SEM1: variants seen among roughly 807,000 people sequenced by gnomAD.
The protein encoded by SEM1 is 26S proteasome complex subunit SEM1.
In SEM1, 3 loss-of-function variants were observed where a neutral mutation model predicts 12.7. That is an observed-to-expected ratio of 0.24 (90% CI 0.11 to 0.61). The LOEUF is 0.61. SEM1 is among the 20% of genes least tolerant of loss of function. The pLI is 0.88. For synonymous variants in SEM1, 30 were observed against 27.8 expected (o/e 1.08, Z -0.25); for missense variants, 59 against 81.3 (o/e 0.73, Z 1.06).
chr7:96,630,684 T>A (rs1033719078), intron 2 of SEM1, among the ~76,000 whole-genome samples: 1 of 152,194 alleles, frequency 6.6e-6, no homozygotes. Context: ...TTCCATCCTC[T>A]GTTCTTCACG....
chr7:96,511,392 G>T (rs1212020972), intron 2 of SEM1, among the ~76,000 whole-genome samples: 1 of 152,108 alleles, frequency 6.6e-6, no homozygotes, highest in African/African-American at 2.4e-5. Context: ...TTCCAAGAGA[G>T]AGATTCTTTT....
At chr7:96,550,636 A>C (rs952315887) in intron 2 of SEM1, among the ~76,000 whole-genome samples, 1 of 152,184 alleles carries the variant, frequency 6.6e-6, no homozygotes, top group African/African-American at 2.4e-5. Flanking sequence ...TTTACAAATT[A>C]TTTGCTTTTA....
chr7:96,538,697 A>G (rs1323687469), intron 2 of SEM1, among the ~76,000 whole-genome samples: 1 of 151,764 alleles, frequency 6.6e-6, no homozygotes, highest in Non-Finnish European at 1.5e-5. Flanking sequence ...TTGTTTAGGC[A>G]TGTGTCTCTG....
chr7:96,593,483 G>T (rs1352075429), intron 2 of SEM1, among the ~76,000 whole-genome samples: 1 of 151,964 alleles, frequency 6.6e-6, no homozygotes, highest in Non-Finnish European at 1.5e-5. Context: ...TGGTATGTTG[G>T]CCTGTTCCCC....
chr7:96,553,190 T>A (rs1409328294), intron 2 of SEM1, among the ~76,000 whole-genome samples: 2 of 150,222 alleles, frequency 1.3e-5, no homozygotes, highest in East Asian at 3.9e-4. Context: ...CAGAAGCTCT[T>A]TAGTTTAATT....
intron 2 of SEM1, among the ~76,000 whole-genome samples, chr7:96,579,344 G>C (rs778831001): frequency 1.3e-5 from 2 of 152,182 alleles, no homozygotes; most frequent in Admixed American, 1.3e-4. Flanking sequence ...CTGTAAGCTT[G>C]TTTATGGCTT....
chr7:96,522,139 A>G (rs561638122), intron 2 of SEM1, among the ~76,000 whole-genome samples: 4 of 152,254 alleles, frequency 2.6e-5, no homozygotes, highest in African/African-American at 9.6e-5. Flanking sequence ...AGTCAATGTT[A>G]GTATTTTGGA....
At chr7:96,709,630 C>A in intron 1 of SEM1, 58 bp downstream of exon 1, 1 of 1,556,728 alleles carries the variant, frequency 6.4e-7, no homozygotes, top group Admixed American at 1.7e-5. Context: ...CAAGCTACCT[C>A]CACACGGAGG....
intron 2 of SEM1, among the ~76,000 whole-genome samples, chr7:96,559,081 C>T (rs376381418): frequency 6.6e-6 from 1 of 152,176 alleles, no homozygotes; most frequent in Non-Finnish European, 1.5e-5. Flanking sequence ...ATGTGAGCCA[C>T]AGTACCAGTT....
At chr7:96,513,103 C>T (rs6947242) in intron 2 of SEM1, among the ~76,000 whole-genome samples, 5,270 of 152,042 alleles carry the variant, frequency 0.035, 302 homozygotes, top group African/African-American at 0.12. Context: ...CCAATATAAC[C>T]GTGTCCTTAT....
downstream of SEM1, among the ~76,000 whole-genome samples, chr7:96,620,042 G>A (rs982451607): frequency 1.1e-4 from 16 of 152,054 alleles, no homozygotes; most frequent in African/African-American, 3.9e-4. Flanking sequence ...CCAGAACAGT[G>A]GTATTATTCT....
At chr7:96,534,906 T>G (rs1475269043) in intron 2 of SEM1, among the ~76,000 whole-genome samples, 1 of 152,046 alleles carries the variant, frequency 6.6e-6, no homozygotes, top group African/African-American at 2.4e-5. Context: ...TTTTAACATT[T>G]CTGTTTTAAT....
chr7:96,706,835 C>A (rs1461356462), intron 1 of SEM1, among the ~76,000 whole-genome samples: 1 of 152,078 alleles, frequency 6.6e-6, no homozygotes, highest in Non-Finnish European at 1.5e-5. Context: ...CTCAACAAAG[C>A]GTTTGAAAGT....
At chr7:96,664,701 A>T (rs940663832) in intron 2 of SEM1, among the ~76,000 whole-genome samples, 3 of 152,214 alleles carry the variant, frequency 2.0e-5, no homozygotes, top group African/African-American at 4.8e-5. Flanking sequence ...GGCCTACCAC[A>T]TCATTGTAAA....
At chr7:96,583,568 G>T (rs924343644) in intron 2 of SEM1, among the ~76,000 whole-genome samples, 18 of 149,858 alleles carry the variant, frequency 1.2e-4, no homozygotes, top group African/African-American at 4.2e-4. Flanking sequence ...TGTTGACAGT[G>T]GTGTGTTAAA....
At chr7:96,581,109 C>T (rs556573020) in intron 2 of SEM1, among the ~76,000 whole-genome samples, 5 of 152,228 alleles carry the variant, frequency 3.3e-5, no homozygotes, top group Admixed American at 3.3e-4. Flanking sequence ...TTAGGTCTAA[C>T]GTTTTAAGTC....
At chr7:96,671,004 C>T (rs1032946433), downstream of SEM1, among the ~76,000 whole-genome samples, 1 of 152,158 alleles carries the variant, frequency 6.6e-6, no homozygotes, top group African/African-American at 2.4e-5. Context: ...TACAACTGCT[C>T]CAAGGCTCTT....
intron 2 of SEM1, among the ~76,000 whole-genome samples, chr7:96,519,983 G>A (rs1480596649): frequency 2.0e-5 from 3 of 152,094 alleles, no homozygotes; most frequent in African/African-American, 7.2e-5. Context: ...TATCTCATGG[G>A]AAGTGAAACC....
downstream of SEM1, among the ~76,000 whole-genome samples, chr7:96,669,670 G>A (rs1563105441): frequency 1.3e-5 from 2 of 152,096 alleles, no homozygotes; most frequent in Non-Finnish European, 2.9e-5. Flanking sequence ...AAGATAAGTG[G>A]CCTGACTTGT....
Sources: allele counts gnomAD v4.1 joint callset (sites outside exome capture counted in the v4.1 genomes callset), GRCh38; gene constraint gnomAD v4.1.1; transcripts MANE v1.5; gene names NCBI Gene and HGNC (gene_info 2026-07-23, HGNC 2026-07-21).